Variants in INO80 observed in about 807,000 individuals in gnomAD.
INO80 encodes INO80 complex ATPase subunit, also known as chromatin-remodeling ATPase INO80.
Under a neutral mutation model 203.4 loss-of-function variants are expected in INO80, and 20 were observed. The ratio of observed to expected loss-of-function variants is 0.10; its 90% confidence interval spans 0.07 to 0.14. The LOEUF is 0.14. Ranked by LOEUF, INO80 falls within the 10% of genes least tolerant of loss-of-function variation. The probability of loss-of-function intolerance (pLI) is 1.00; values close to 1 mark genes in which losing one functional copy is unlikely to be tolerated. For missense variants in INO80, 1,419 were observed against 1,914.4 expected (o/e 0.74, Z 4.83); for synonymous variants, 726 against 685.2 (o/e 1.06, Z -0.93).
At chr15:41,037,058 A>G (rs143023002) in intron 24 of INO80, among the ~76,000 whole-genome samples, 4,220 of 151,986 alleles carry the variant, frequency 0.028, 186 homozygotes, top group African/African-American at 0.096. Context: ...AGCCAAGGTC[A>G]CTCCACTGCA....
rs987418176 is a variant in INO80 at position 41,102,041 on chromosome 15, A to T, written c.-43-5688T>A. 6.6e-5 allele frequency among the ~76,000 whole-genome samples: 10 copies of T among 152,178 alleles called. No homozygotes were observed. The South Asian group carries it at 2.1e-3, about 32-fold the overall frequency. ...CCCGCCTTTACTAAAAATACAAAAA[A>T]GTAGCTGGGCTTGGTGGCACGCACC... On this transcript the variant is annotated intron_variant, in intron 1 of 35. Transcript: ENST00000648947.
intron 1 of INO80, among the ~76,000 whole-genome samples, chr15:41,106,449 TTAAACTCTG>T (rs2045882214): frequency 6.7e-6 from 1 of 148,158 alleles, no homozygotes; most frequent in Non-Finnish European, 1.5e-5. Context: ...TGGCACACAG[TTAAACTCTG>T]TAAACTCATA....
At chr15:41,029,609 CA>C (rs1231649256) in intron 24 of INO80, among the ~76,000 whole-genome samples, 1 of 152,218 alleles carries the variant, frequency 6.6e-6, no homozygotes, top group African/African-American at 2.4e-5. Context: ...AGAATTTTAA[CA>C]TTCTGACAGC....
chr15:41,036,472 TCAAA>T (rs1270019756), intron 24 of INO80, among the ~76,000 whole-genome samples: 4 of 152,120 alleles, frequency 2.6e-5, no homozygotes, highest in Non-Finnish European at 4.4e-5. Flanking sequence ...CAATGAATGA[TCAAA>T]CAGATTACCT....
At chr15:41,008,421 G>C (rs6492975) in intron 27 of INO80, among the ~76,000 whole-genome samples, 11,175 of 152,076 alleles carry the variant, frequency 0.073, 1,188 homozygotes, top group African/African-American at 0.24. Context: ...TGGTTGCCAG[G>C]GGGTAGGGGA....
At chr15:40,994,128 C>T (rs1208835184) in intron 29 of INO80, among the ~76,000 whole-genome samples, 1 of 152,126 alleles carries the variant, frequency 6.6e-6, no homozygotes, top group African/African-American at 2.4e-5. Context: ...CTTCCTTTTG[C>T]TTGATTATGC....
rs548541567 is a variant in INO80, at chr15:41,055,765, G to A, written c.2071-401C>T. Among the ~76,000 whole-genome samples, 9 of 152,166 alleles carry A rather than the reference G, an allele frequency of 5.9e-5. No homozygotes were observed. The South Asian group carries it at 1.9e-3, about 32-fold the overall frequency. On this transcript the variant is annotated intron_variant, in intron 17 of 35. Transcript: ENST00000648947. Reference sequence around the variant, plus strand: ...AAATATGGCCTGTTGGGCCAAGTCTGGTCTACCACTATTTTAAATCAAGTT... The same window carrying A: ...AAATATGGCCTGTTGGGCCAAGTCTAGTCTACCACTATTTTAAATCAAGTT...
chr15:41,060,540 G>A (rs1334307713), intron 14 of INO80, among the ~76,000 whole-genome samples: 2 of 151,218 alleles, frequency 1.3e-5, no homozygotes, highest in Non-Finnish European at 2.9e-5. Flanking sequence ...GGGGACAAGA[G>A]CAAGACTTTG....
chr15:41,022,293 G>T (rs142130112), intron 25 of INO80, among the ~76,000 whole-genome samples: 1 of 152,326 alleles, frequency 6.6e-6, no homozygotes, highest in Non-Finnish European at 1.5e-5. Context: ...ATCTAGTTAG[G>T]TAGTTCTATC....
At chr15:41,067,764 A>C (rs1183868913) in intron 14 of INO80, among the ~76,000 whole-genome samples, 1 of 152,178 alleles carries the variant, frequency 6.6e-6, no homozygotes, top group African/African-American at 2.4e-5. Context: ...TATTACAGAG[A>C]CCCAAAATCA....
chr15:41,053,552 CAAATCTTTTAG>C (rs902556523), intron 19 of INO80, among the ~76,000 whole-genome samples: 3 of 151,922 alleles, frequency 2.0e-5, no homozygotes, highest in African/African-American at 7.3e-5. Context: ...TTAAAAAAAC[CAAATCTTTTAG>C]AAATATACAT....
At chr15:41,013,706 G>T (rs2044163685) in intron 27 of INO80, among the ~76,000 whole-genome samples, 1 of 152,164 alleles carries the variant, frequency 6.6e-6, no homozygotes, top group Admixed American at 6.5e-5. Flanking sequence ...ATTAAAGGAA[G>T]AACCATTAGT....
intron 27 of INO80, among the ~76,000 whole-genome samples, chr15:41,009,001 T>C (rs141018434): frequency 6.6e-6 from 1 of 152,092 alleles, no homozygotes; most frequent in East Asian, 1.9e-4. Context: ...CCTGGCTAAG[T>C]TTGTATTTTT....
intron 18 of INO80, 141 bp downstream of exon 18, chr15:41,055,106 T>A (rs1001017813): frequency 4.3e-6 from 2 of 463,304 alleles, no homozygotes; most frequent in Non-Finnish European, 3.9e-6. Context: ...AATTATTTTA[T>A]AAGCAAAAAA....
At chr15:41,008,698 G>A (rs1447186805) in intron 27 of INO80, among the ~76,000 whole-genome samples, 3 of 152,108 alleles carry the variant, frequency 2.0e-5, no homozygotes, top group Non-Finnish European at 4.4e-5. Context: ...CACTAGAAAG[G>A]GAAGGCAAGG....
chr15:41,052,816 G>T, intron 19 of INO80, among the ~76,000 whole-genome samples: 1 of 142,260 alleles, frequency 7.0e-6, no homozygotes. Context: ...TTTGAACTCA[G>T]TTTGAGACCA....
intron 27 of INO80, chr15:41,011,785 G>T (rs1358824976): frequency 6.6e-6 from 1 of 152,190 alleles, no homozygotes; most frequent in African/African-American, 2.4e-5. Flanking sequence ...CAGAATGTCT[G>T]CTCAGGATAA....
At chr15:41,100,504 C>T (rs2045791930) in intron 1 of INO80, among the ~76,000 whole-genome samples, 1 of 152,156 alleles carries the variant, frequency 6.6e-6, no homozygotes, top group Non-Finnish European at 1.5e-5. Context: ...CTTTTGACAC[C>T]CAGTATACAT....
At chr15:41,092,653 A>G (rs1032477220) in intron 4 of INO80, among the ~76,000 whole-genome samples, 4 of 152,200 alleles carry the variant, frequency 2.6e-5, no homozygotes, top group Non-Finnish European at 5.9e-5. Context: ...TTCAGCCATG[A>G]AAAGGAATAA....
Sources: gnomAD v4.1 joint callset for allele counts (sites outside exome capture counted in the v4.1 genomes callset) on GRCh38, gnomAD v4.1.1 for gene constraint, MANE v1.5 for transcripts, NCBI Gene and HGNC (gene_info 2026-07-23, HGNC 2026-07-21) for gene names.